The following NELL2 variants were observed in gnomAD, a reference collection of about 807,000 sequenced individuals.
NELL2 encodes neural EGFL like 2, also known as protein kinase C-binding protein NELL2.
A neutral mutation model predicts 109.6 loss-of-function variants in NELL2; 41 were observed. That is an observed-to-expected ratio of 0.37 (90% CI 0.29 to 0.49). The LOEUF is 0.49. Among genes scored for constraint, NELL2 ranks in the 20% least tolerant of loss-of-function variants. The pLI, the probability that NELL2 is intolerant of heterozygous loss-of-function variation, is 0.98. For missense variants in NELL2, 900 were observed against 1,008.3 expected, an observed-to-expected ratio of 0.89 and a Z score of 1.45; for synonymous variants, 355 against 344.7, an observed-to-expected ratio of 1.03 and a Z score of -0.33.
chr12:44,745,269 C>T (rs190057589), intron 9 of NELL2, among the ~76,000 whole-genome samples: 33 of 152,234 alleles, frequency 2.2e-4, no homozygotes, highest in African/African-American at 7.5e-4. Context: ...GCTAAAAACT[C>T]CCAATAAATT....
intron 13 of NELL2, among the ~76,000 whole-genome samples, chr12:44,646,961 A>T (rs1333339417): frequency 6.6e-6 from 1 of 152,222 alleles, no homozygotes; most frequent in Non-Finnish European, 1.5e-5. Context: ...GACCTAAAAG[A>T]TGGTTAATAA....
intron 1 of NELL2, among the ~76,000 whole-genome samples, chr12:44,902,409 A>T (rs1945670954): frequency 6.6e-6 from 1 of 152,174 alleles, no homozygotes; most frequent in African/African-American, 2.4e-5. Context: ...AGAAGACACA[A>T]ACAAATGGAA....
At chr12:44,875,163 G>A in intron 2 of NELL2, 62 bp downstream of exon 2, 7 of 1,564,916 alleles carry the variant, frequency 4.5e-6, no homozygotes, top group South Asian at 3.6e-5. Flanking sequence ...AGCGGCAAGA[G>A]CAACTCCTGC....
At chr12:44,866,648 G>A (rs1185446234) in intron 2 of NELL2, among the ~76,000 whole-genome samples, 1 of 151,922 alleles carries the variant, frequency 6.6e-6, no homozygotes, top group Non-Finnish European at 1.5e-5. Flanking sequence ...AAATAAATGA[G>A]AGAGACTAAA....
At chr12:44,820,562 T>C (rs1421980486) in intron 2 of NELL2, among the ~76,000 whole-genome samples, 1 of 148,032 alleles carries the variant, frequency 6.8e-6, no homozygotes, top group Admixed American at 6.8e-5. Flanking sequence ...TGAGCCGAGA[T>C]CGCGCCACTG....
chr12:44,631,993 T>A (rs1946474800), intron 13 of NELL2, among the ~76,000 whole-genome samples: 1 of 152,108 alleles, frequency 6.6e-6, no homozygotes, highest in South Asian at 2.1e-4. Context: ...GTGGAGTTTA[T>A]CCCAGGAATG....
intron 3 of NELL2, among the ~76,000 whole-genome samples, chr12:44,810,947 A>C (rs111528962): frequency 0.017 from 2,603 of 152,284 alleles, 73 homozygotes; most frequent in African/African-American, 0.057. Flanking sequence ...GAAATTAACA[A>C]ACATGTATAC....
At chr12:44,682,753 G>A (rs1326102895) in intron 12 of NELL2, among the ~76,000 whole-genome samples, 1 of 152,104 alleles carries the variant, frequency 6.6e-6, no homozygotes. Flanking sequence ...ATTTCTGAGG[G>A]CTCTGTTCCG....
intron 9 of NELL2, among the ~76,000 whole-genome samples, chr12:44,743,717 T>G (rs1159026508): frequency 6.6e-6 from 1 of 152,150 alleles, no homozygotes; most frequent in Non-Finnish European, 1.5e-5. Flanking sequence ...CATCACATAA[T>G]GGTAAAGGGA....
intron 13 of NELL2, among the ~76,000 whole-genome samples, chr12:44,643,498 G>A (rs1380715108): frequency 1.3e-5 from 2 of 151,836 alleles, no homozygotes; most frequent in Non-Finnish European, 2.9e-5. Flanking sequence ...ACCTTCCAAA[G>A]GGAAAAAAAA....
chr12:44,527,923 T>C (rs1941861598), intron 16 of NELL2, among the ~76,000 whole-genome samples: 1 of 151,392 alleles, frequency 6.6e-6, no homozygotes, highest in Non-Finnish European at 1.5e-5. Context: ...TGAAACCCCG[T>C]CTCTACTAAA....
chr12:44,646,146 T>C (rs1023089827), intron 13 of NELL2, among the ~76,000 whole-genome samples: 2 of 152,138 alleles, frequency 1.3e-5, no homozygotes, highest in African/African-American at 4.8e-5. Context: ...TTTAAACCAC[T>C]TGTTCTAGGC....
chr12:44,890,081 A>G (rs948590828), intron 1 of NELL2, among the ~76,000 whole-genome samples: 5 of 152,220 alleles, frequency 3.3e-5, no homozygotes, highest in African/African-American at 1.2e-4. Flanking sequence ...GTCTGTTCAC[A>G]TGTATCATTT....
intron 12 of NELL2, among the ~76,000 whole-genome samples, chr12:44,695,027 G>A (rs767456209): frequency 1.4e-5 from 2 of 141,732 alleles, no homozygotes; most frequent in Non-Finnish European, 3.0e-5. Context: ...GGGGTAAAAG[G>A]AAAAAATGAA....
intron 19 of NELL2, among the ~76,000 whole-genome samples, chr12:44,519,232 T>G (rs541737865): frequency 6.6e-6 from 1 of 152,230 alleles, no homozygotes; most frequent in Non-Finnish European, 1.5e-5. Context: ...TTCAGGTTAT[T>G]TATTTAGTTT....
intron 15 of NELL2, among the ~76,000 whole-genome samples, chr12:44,575,074 AGC>A (rs1196193647): frequency 6.6e-6 from 1 of 152,214 alleles, no homozygotes; most frequent in Non-Finnish European, 1.5e-5. Context: ...CTTCCCTTAC[AGC>A]ATAAGCTCCA....
rs1566077757 is a variant in NELL2 at position 44,644,615 on chromosome 12, T to TATAC, written c.1444+20868_1444+20869insGTAT. On this transcript the variant is annotated intron_variant, in intron 13 of 19. Transcript: ENST00000429094. ...ATATATATATATATGTATGTATATA[T>TATAC]ATATATATATACATACATATATATA... Among the ~76,000 whole-genome samples, 118 of 95,804 alleles carry TATAC rather than the reference T, an allele frequency of 1.2e-3. 3 individuals carry two copies. The highest frequency in any genetic ancestry group is 4.8e-3 in the African/African-American group (116 of 24,402). The allele number at this position is 95,804 out of a possible 152,430, so 62.9% of individuals were successfully genotyped here.
intron 2 of NELL2, among the ~76,000 whole-genome samples, chr12:44,836,862 A>G (rs1347330924): frequency 6.6e-6 from 1 of 152,194 alleles, no homozygotes; most frequent in Non-Finnish European, 1.5e-5. Flanking sequence ...AGAGATTTTT[A>G]AAAAGAGATG....
At chr12:44,843,172 T>C (rs1566514392) in intron 2 of NELL2, among the ~76,000 whole-genome samples, 1 of 147,994 alleles carries the variant, frequency 6.8e-6, no homozygotes, top group Non-Finnish European at 1.5e-5. Flanking sequence ...AACTTGTAAC[T>C]AGAATATGAA....
Sources: gnomAD v4.1 joint callset for allele counts (sites outside exome capture counted in the v4.1 genomes callset) on GRCh38, gnomAD v4.1.1 for gene constraint, MANE v1.5 for transcripts, NCBI Gene and HGNC (gene_info 2026-07-23, HGNC 2026-07-21) for gene names.